Variants in SHISA9 observed in about 807,000 individuals in gnomAD.
SHISA9 encodes shisa family member 9, also known as protein shisa-9.
A neutral mutation model predicts 38.0 loss-of-function variants in SHISA9; 13 were observed. The ratio of observed to expected loss-of-function variants is 0.34; its 90% CI spans 0.22 to 0.54. SHISA9 has a LOEUF of 0.54. Ranked by LOEUF, SHISA9 falls within the 20% of genes least tolerant of loss-of-function variation. SHISA9 has a pLI of 0.91. For missense variants in SHISA9, 538 were observed against 575.8 expected, an observed-to-expected ratio of 0.93 and a Z score of 0.67; for synonymous variants, 275 against 242.0, an observed-to-expected ratio of 1.14 and a Z score of -1.27.
At chr16:13,245,925 C>A in the SHISA9 span, among the ~76,000 whole-genome samples, 1 of 151,966 alleles carries the variant, frequency 6.6e-6, no homozygotes, top group Non-Finnish European at 1.5e-5. Context: ...AATAAATAGC[C>A]CTTTATTAAT....
intron 2 of SHISA9, among the ~76,000 whole-genome samples, chr16:12,975,420 C>T (rs896548575): frequency 2.0e-5 from 3 of 152,034 alleles, no homozygotes; most frequent in Non-Finnish European, 4.4e-5. Flanking sequence ...AGGAGAATCG[C>T]TTGAACCCAG....
intron 2 of SHISA9, among the ~76,000 whole-genome samples, chr16:12,936,197 C>G (rs540740420): frequency 6.6e-6 from 1 of 152,252 alleles, no homozygotes; most frequent in African/African-American, 2.4e-5. Flanking sequence ...GGGAAGCTCT[C>G]CAGCAATCTC....
At chr16:13,207,863 T>C (rs74854989) in intron 3 of SHISA9, among the ~76,000 whole-genome samples, 1 of 152,214 alleles carries the variant, frequency 6.6e-6, no homozygotes, top group South Asian at 2.1e-4. Context: ...AGGAGAGAAG[T>C]TGTTTAAAAA....
the SHISA9 span, among the ~76,000 whole-genome samples, chr16:13,408,293 ATTTAC>A: frequency 1.3e-5 from 2 of 152,214 alleles, no homozygotes; most frequent in African/African-American, 4.8e-5. Context: ...AAAAATGAAT[ATTTAC>A]TTAGAATAAA....
the SHISA9 span, among the ~76,000 whole-genome samples, chr16:13,497,695 A>AAAAAAAG: frequency 1.4e-5 from 2 of 140,654 alleles, no homozygotes; most frequent in African/African-American, 2.5e-5. Context: ...CAAAAAAAAA[A>AAAAAAAG]AAAAAAGAAA....
At chr16:13,048,478 A>G (rs902359025) in intron 2 of SHISA9, among the ~76,000 whole-genome samples, 1 of 152,102 alleles carries the variant, frequency 6.6e-6, no homozygotes, top group African/African-American at 2.4e-5. Context: ...CTGGGGTGCA[A>G]TGGCATGATC....
the SHISA9 span, among the ~76,000 whole-genome samples, chr16:13,369,791 G>C: frequency 6.6e-6 from 1 of 152,136 alleles, no homozygotes; most frequent in Non-Finnish European, 1.5e-5. Context: ...GACAAACACT[G>C]AGCTCACAGG....
chr16:13,343,306 T>C, the SHISA9 span, among the ~76,000 whole-genome samples: 7 of 152,334 alleles, frequency 4.6e-5, no homozygotes, highest in South Asian at 1.4e-3. Context: ...CTTCCCAAGG[T>C]TGATTCCTTA....
chr16:13,004,962 A>AAAAAGAAAGAAAGAAAAG (rs59819968), intron 2 of SHISA9, among the ~76,000 whole-genome samples: 62 of 127,656 alleles, frequency 4.9e-4, no homozygotes, highest in African/African-American at 1.6e-3. Flanking sequence ...AAAAAAAGAA[A>AAAAAGAAAGAAAGAAAAG]AAAAGAAAGA....
At chr16:13,354,008 C>A in the SHISA9 span, among the ~76,000 whole-genome samples, 2 of 150,462 alleles carry the variant, frequency 1.3e-5, no homozygotes, top group East Asian at 2.0e-4. Context: ...GGAAAGGCCT[C>A]TACCTATCCA....
the SHISA9 span, among the ~76,000 whole-genome samples, chr16:13,476,738 G>GTTTTTTTT: frequency 7.1e-4 from 46 of 65,232 alleles, 6 homozygotes; most frequent in Non-Finnish European, 1.1e-3. Context: ...CCTGTTTTGT[G>GTTTTTTTT]TTTTTTTTTT....
At chr16:13,375,009 G>A in the SHISA9 span, among the ~76,000 whole-genome samples, 1 of 152,084 alleles carries the variant, frequency 6.6e-6, no homozygotes, top group African/African-American at 2.4e-5. Context: ...TTTTTGATGG[G>A]GTGGGGTTGT....
At chr16:13,226,339 C>T (rs890496911) in intron 4 of SHISA9, among the ~76,000 whole-genome samples, 2 of 152,202 alleles carry the variant, frequency 1.3e-5, no homozygotes, top group African/African-American at 4.8e-5. Flanking sequence ...ATGCACCAGG[C>T]ACCAGTTCAG....
chr16:13,162,830 G>GA (rs34060769), intron 2 of SHISA9, among the ~76,000 whole-genome samples: 42,714 of 148,812 alleles, frequency 0.29, 6,406 homozygotes, highest in South Asian at 0.4. Context: ...TCATTTACAT[G>GA]AAAAAAAAAA....
At chr16:13,115,045 T>C (rs1185291732) in intron 2 of SHISA9, among the ~76,000 whole-genome samples, 1 of 152,194 alleles carries the variant, frequency 6.6e-6, no homozygotes, top group African/African-American at 2.4e-5. Context: ...TATCTCTTCA[T>C]CACCATTATC....
the SHISA9 span, among the ~76,000 whole-genome samples, chr16:13,496,773 A>G: frequency 6.6e-5 from 10 of 152,314 alleles, no homozygotes; most frequent in East Asian, 1.9e-3. Flanking sequence ...GAGTAGAAAT[A>G]ATAGAAATAA....
chr16:12,912,906 C>T lies in SHISA9; in HGVS notation c.564-3782C>T, dbSNP rs577764897. Reference sequence around the variant, plus strand: ...ATCTCAGCTCTTTTCTGTCTCAGGGCCTTTGCACTTGCTGTTCTTTCAGCC... The same window carrying T: ...ATCTCAGCTCTTTTCTGTCTCAGGGTCTTTGCACTTGCTGTTCTTTCAGCC... On this transcript the variant is annotated intron_variant, in intron 1 of 4. Transcript: ENST00000558583. Among the ~76,000 whole-genome samples, 7 of 152,224 alleles carry T rather than the reference C, an allele frequency of 4.6e-5. No homozygotes were observed. The South Asian group carries it at 1.5e-3, about 32-fold the overall frequency.
At chr16:12,933,942 A>G (rs1417790157) in intron 2 of SHISA9, among the ~76,000 whole-genome samples, 1 of 152,178 alleles carries the variant, frequency 6.6e-6, no homozygotes, top group Non-Finnish European at 1.5e-5. Context: ...GATGGGAGAA[A>G]AAATAACAAG....
the SHISA9 span, among the ~76,000 whole-genome samples, chr16:13,374,624 A>G: frequency 1.3e-5 from 2 of 152,336 alleles, no homozygotes; most frequent in African/African-American, 4.8e-5. Flanking sequence ...TGCAATAAAC[A>G]TATGTGTGCA....
Sources: allele counts gnomAD v4.1 joint callset (sites outside exome capture counted in the v4.1 genomes callset), GRCh38; gene constraint gnomAD v4.1.1; transcripts MANE v1.5; gene names NCBI Gene and HGNC (gene_info 2026-07-23, HGNC 2026-07-21).